Variants in IRAK3 observed in about 807,000 individuals in gnomAD.
IRAK3 encodes interleukin 1 receptor associated kinase 3.
IRAK3 carries 57 observed loss-of-function variants against 56.6 expected under a neutral mutation model. The ratio of observed to expected loss-of-function variants is 1.01; its 90% CI spans 0.81 to 1.26. The LOEUF (loss-of-function observed/expected upper bound fraction) is 1.26. Among genes scored for constraint, IRAK3 ranks in the 50% most tolerant of loss-of-function variants. The pLI is 0.00. For synonymous variants in IRAK3, 258 were observed against 255.7 expected (o/e 1.01, Z -0.09); for missense variants, 703 against 719.0 (o/e 0.98, Z 0.25).
chr12:66,210,212 A>G lies in IRAK3; in HGVS notation c.436+11A>G. 1.3e-6 allele frequency: 2 copies of G among 1,575,038 alleles called. No homozygotes were observed. Among genetic ancestry groups the G allele is most frequent in the Non-Finnish European group, 1.7e-6 (2 of 1,145,536 alleles). ...AACATAATGAAAAAGGTATGAAAAAACCAGTTTTTTTCCAACAATTTTTTT... is the reference window on the plus strand; with the variant it reads ...AACATAATGAAAAAGGTATGAAAAAGCCAGTTTTTTTCCAACAATTTTTTT... On this transcript the variant is annotated intron_variant, in intron 4 of 11. Coordinates refer to ENST00000261233, the MANE Select transcript of IRAK3 (RefSeq NM_007199.3).
chr12:66,191,931 C>T (rs1592571515), intron 1 of IRAK3, among the ~76,000 whole-genome samples: 1 of 152,214 alleles, frequency 6.6e-6, no homozygotes, highest in Non-Finnish European at 1.5e-5. Flanking sequence ...GTTATGTTTA[C>T]AAAGGCAGCT....
At chr12:66,227,531 AT>A (rs1397753556) in intron 7 of IRAK3, among the ~76,000 whole-genome samples, 1 of 152,096 alleles carries the variant, frequency 6.6e-6, no homozygotes, top group Non-Finnish European at 1.5e-5. Context: ...GTGAGCCGAG[AT>A]TGCACCATTG....
intron 1 of IRAK3, among the ~76,000 whole-genome samples, chr12:66,201,577 G>A (rs553841989): frequency 1.2e-3 from 187 of 152,192 alleles, no homozygotes; most frequent in African/African-American, 4.3e-3. Flanking sequence ...CTTTCTCCCC[G>A]CTTTGCCTCA....
rs559521007 is a variant in IRAK3, at chr12:66,248,418, C to G, written c.*247C>G. Reference sequence around the variant, plus strand: ...AAATCCACGCTCAATTAGAGCCATTCAAAATTCCTTAAGATCATGGGTTCT... The same window carrying G: ...AAATCCACGCTCAATTAGAGCCATTGAAAATTCCTTAAGATCATGGGTTCT... On this transcript the variant is annotated 3_prime_UTR_variant, in exon 12 of 12. Coordinates refer to ENST00000261233, the MANE Select transcript of IRAK3 (RefSeq NM_007199.3). 1.5e-5 allele frequency: 6 copies of G among 388,248 alleles called. No individual in the cohort carries two copies. The highest frequency in any genetic ancestry group is 1.2e-4 in the African/African-American group (6 of 49,250). 24.1% of individuals were successfully genotyped at this position (388,248 alleles called of 1,614,324 possible). A position where few individuals can be genotyped will look rare whatever the true frequency, so the allele number is the denominator to read the frequency against.
Position 66,203,901 on chromosome 12 carries a change from C to T in IRAK3, c.316+8C>T. Reference sequence around the variant, plus strand: ...ATTTAATTACAAACTATGGTAAATGCTGATTCTTATAATGTGGCTCTTAAT... The same window carrying T: ...ATTTAATTACAAACTATGGTAAATGTTGATTCTTATAATGTGGCTCTTAAT... On this transcript the variant is annotated splice_region_variant and intron_variant, in intron 2 of 11. Coordinates refer to ENST00000261233, the MANE Select transcript of IRAK3 (RefSeq NM_007199.3). 1 of 1,607,368 alleles carries T rather than the reference C, an allele frequency of 6.2e-7. No individual in the cohort carries two copies. Among genetic ancestry groups the T allele is most frequent in the Non-Finnish European group, 8.5e-7 (1 of 1,173,906 alleles).
At chr12:66,241,523 A>G (rs1459116123) in intron 8 of IRAK3, among the ~76,000 whole-genome samples, 1 of 152,232 alleles carries the variant, frequency 6.6e-6, no homozygotes, top group Non-Finnish European at 1.5e-5. Context: ...TTTAAGGTTG[A>G]AGCAGGGGAA....
chr12:66,254,424 G>C lies in IRAK3; in HGVS notation c.*6253G>C, dbSNP rs1241640914. The C allele has an allele frequency of 6.6e-6, 1 of 151,980 alleles. No individual in the cohort carries two copies. The highest frequency in any genetic ancestry group is 1.5e-5 in the Non-Finnish European group (1 of 67,972). The allele number at this position is 151,980 out of a possible 1,614,324, so 9.4% of individuals were successfully genotyped here. A position where few individuals can be genotyped will look rare whatever the true frequency, so the allele number is the denominator to read the frequency against. ...AGACTACAGGATATATGTTGAATAT[G>C]AGCTCATTTATAACATTGAATATTT... On this transcript the variant is annotated 3_prime_UTR_variant, in exon 12 of 12. Transcript: ENST00000261233.
At chr12:66,222,882 G>A (rs2052748578) in intron 6 of IRAK3, among the ~76,000 whole-genome samples, 2 of 152,182 alleles carry the variant, frequency 1.3e-5, no homozygotes, top group African/African-American at 4.8e-5. Context: ...CAGGCTTTGT[G>A]TGAGCAATAA....
intron 8 of IRAK3, among the ~76,000 whole-genome samples, chr12:66,241,641 A>G (rs938921372): frequency 6.6e-6 from 1 of 152,258 alleles, no homozygotes; most frequent in Non-Finnish European, 1.5e-5. Context: ...TTAGAACAGA[A>G]TAAATCACTG....
At chr12:66,234,427 T>A (rs2052880299) in intron 8 of IRAK3, 1 of 1,611,126 alleles carries the variant, frequency 6.2e-7, no homozygotes. Flanking sequence ...CAATATAGGG[T>A]GTAATAGAAG....
At chr12:66,217,964 T>TA (rs2052694918) in intron 6 of IRAK3, among the ~76,000 whole-genome samples, 1 of 152,158 alleles carries the variant, frequency 6.6e-6, no homozygotes, top group Non-Finnish European at 1.5e-5. Context: ...ACTTAGTCAA[T>TA]AAAAAATGAA....
intron 6 of IRAK3, among the ~76,000 whole-genome samples, chr12:66,220,511 T>TTTC (rs1555203800): frequency 0.59 from 55,376 of 94,220 alleles, 19,373 homozygotes; most frequent in Non-Finnish European, 0.74. Context: ...TTTGTTCTTC[T>TTTC]TTCTTTTTTT....
At chr12:66,214,870 G>A (rs920790057) in intron 5 of IRAK3, among the ~76,000 whole-genome samples, 2 of 152,194 alleles carry the variant, frequency 1.3e-5, no homozygotes, top group South Asian at 2.1e-4. Flanking sequence ...GGATGCAGAG[G>A]AGAAAGCATG....
chr12:66,245,773 C>T (rs1034731945), intron 11 of IRAK3, among the ~76,000 whole-genome samples: 1 of 151,974 alleles, frequency 6.6e-6, no homozygotes, highest in Non-Finnish European at 1.5e-5. Context: ...CTCAAGTGAT[C>T]CACCCGCCTT....
Position 66,248,522 on chromosome 12 carries a change from A to G in IRAK3, c.*351A>G, listed in dbSNP as rs1170897660. On this transcript the variant is annotated 3_prime_UTR_variant, in exon 12 of 12. Coordinates refer to ENST00000261233, the MANE Select transcript of IRAK3 (RefSeq NM_007199.3). ...TGTCCTCTCCATCATCCTCAGTGTG[A>G]GTCCTCAGAGCCTCCATCTGCCAAG... 1.1e-5 allele frequency: 2 copies of G among 179,532 alleles called. No individual in the cohort carries two copies. Among genetic ancestry groups the G allele is most frequent in the Non-Finnish European group, 2.3e-5 (2 of 85,154 alleles). 11.1% of individuals were successfully genotyped at this position (179,532 alleles called of 1,614,324 possible). A position where few individuals can be genotyped will look rare whatever the true frequency, so the allele number is the denominator to read the frequency against.
rs747951506 is a variant in IRAK3 at position 66,244,482 on chromosome 12, T to A, written c.888-4T>A. ...GTCTTGTTTGTCCCTGATCACAATT[T>A]TAGTGCAAACATCCTTTTGGATGAT... On this transcript the variant is annotated splice_region_variant and splice_polypyrimidine_tract_variant and intron_variant, in intron 8 of 11. Coordinates refer to ENST00000261233, the MANE Select transcript of IRAK3 (RefSeq NM_007199.3). The A allele has an allele frequency of 1.2e-6, 2 of 1,613,138 alleles. No homozygotes were observed. The highest frequency in any genetic ancestry group is 2.7e-5 in the African/African-American group (2 of 74,910).
intron 1 of IRAK3, among the ~76,000 whole-genome samples, chr12:66,202,780 G>A (rs2052521314): frequency 6.6e-6 from 1 of 151,480 alleles, no homozygotes; most frequent in Admixed American, 6.6e-5. Flanking sequence ...GCTCCAACCT[G>A]GGTGACAGAG....
chr12:66,246,484 C>T (rs1235761427), intron 11 of IRAK3, among the ~76,000 whole-genome samples: 2 of 152,174 alleles, frequency 1.3e-5, no homozygotes, highest in Non-Finnish European at 2.9e-5. Context: ...CACTGGCCTT[C>T]GAGGCAGGAG....
chr12:66,233,986 C>T, intron 8 of IRAK3: 1 of 1,452,150 alleles, frequency 6.9e-7, no homozygotes, highest in Non-Finnish European at 9.4e-7. Flanking sequence ...CAATAATTTC[C>T]TAAAGCACAA....
Sources: allele counts gnomAD v4.1 joint callset (sites outside exome capture counted in the v4.1 genomes callset), GRCh38; gene constraint gnomAD v4.1.1; transcripts MANE v1.5; gene names NCBI Gene and HGNC (gene_info 2026-07-23, HGNC 2026-07-21).